TRIM29: variants seen among roughly 807,000 people sequenced by gnomAD.
TRIM29 encodes tripartite motif containing 29.
In TRIM29, 52 loss-of-function variants were observed where a neutral mutation model predicts 57.3. That is an observed-to-expected ratio of 0.91 (90% confidence interval 0.73 to 1.14). TRIM29 has a LOEUF of 1.14. Ranked by LOEUF, TRIM29 falls within the 50% of genes most tolerant of loss-of-function variation. TRIM29 has a pLI of 0.00. For missense variants in TRIM29, 753 were observed against 774.6 expected (o/e 0.97, Z 0.33); for synonymous variants, 319 against 316.9 (o/e 1.01, Z -0.07).
intron 1 of TRIM29, among the ~76,000 whole-genome samples, chr11:120,130,084 G>C (rs1343312964): frequency 6.6e-6 from 1 of 152,038 alleles, no homozygotes; most frequent in Non-Finnish European, 1.5e-5. Context: ...GCAGAAACTC[G>C]ACCCTCACAC....
chr11:120,118,461 G>T (rs114030809), intron 6 of TRIM29, 140 bp from the exon 7 acceptor site: 2 of 622,400 alleles, frequency 3.2e-6, no homozygotes, highest in South Asian at 3.9e-5. Context: ...TCCCAGTGAC[G>T]CCTCACCCCC....
intron 4 of TRIM29, 44 bp from the exon 5 acceptor site, chr11:120,123,099 G>A (rs1863501662): frequency 6.3e-7 from 1 of 1,575,774 alleles, no homozygotes; most frequent in Non-Finnish European, 8.7e-7. Context: ...CAGGTGGGAA[G>A]GAGGAGCCAG....
intron 1 of TRIM29, among the ~76,000 whole-genome samples, chr11:120,129,283 A>C (rs1282841650): frequency 6.6e-6 from 1 of 152,144 alleles, no homozygotes; most frequent in Non-Finnish European, 1.5e-5. Flanking sequence ...CTTCTCTGAA[A>C]AGCAGCCACA....
At position 120,127,476 on chromosome 11, in the gene TRIM29, G is replaced by A; in HGVS notation, c.994C>T (p.Leu332=). The change falls in exon 3 of 9, where the codon CTG becomes TTG. Residue 332 remains leucine, a synonymous_variant. Coordinates refer to ENST00000341846, the MANE Select transcript of TRIM29 (RefSeq NM_012101.4). ...ACAGCATCCTGCTCCCGCTGCTCCA[G>A]CGCAGCCCTCACTTCCTCCTTTTGC... is the stretch of plus-strand genomic sequence containing the variant. ...EKQKEEVRAA[L]EQREQDAVDQ... 6.2e-7 allele frequency: 1 copy of A among 1,614,202 alleles called. No homozygotes were observed. The highest frequency in any genetic ancestry group is 8.5e-7 in the Non-Finnish European group (1 of 1,180,050).
chr11:120,119,444 G>A (rs1479605448), intron 6 of TRIM29, among the ~76,000 whole-genome samples: 1 of 152,202 alleles, frequency 6.6e-6, no homozygotes, highest in Non-Finnish European at 1.5e-5. Flanking sequence ...GGCAGCTTCT[G>A]TAGCAAGGCC....
chr11:120,126,097 T>C (rs904928329), intron 3 of TRIM29: 6 of 582,190 alleles, frequency 1.0e-5, no homozygotes, highest in South Asian at 2.2e-5. Flanking sequence ...AGCGTTCAGA[T>C]GTGTGACTCC....
rs1053234482 is a variant in TRIM29, at chr11:120,112,280, G to GGCAGAGGGCT, written c.*124_*133dup. Reference sequence around the variant, plus strand: ...AGGCCGGAACTGCCCCCAAGAGGCTGGCAGAGGGCTGCAGAGGGCAGGTGC... The same window carrying GGCAGAGGGCT: ...AGGCCGGAACTGCCCCCAAGAGGCTGGCAGAGGGCTGCAGAGGGCTGCAGAGGGCAGGTGC... On this transcript the variant is annotated 3_prime_UTR_variant, in exon 9 of 9. Coordinates refer to ENST00000341846, the MANE Select transcript of TRIM29 (RefSeq NM_012101.4). 9.7e-7 allele frequency: 1 copy of GGCAGAGGGCT among 1,026,508 alleles called. No individual in the cohort carries two copies. The allele number at this position is 1,026,508 out of a possible 1,614,324, so 63.6% of individuals were successfully genotyped here.
chr11:120,128,375 C>T (rs748679477), intron 2 of TRIM29, 25 bp downstream of exon 2: 131 of 1,607,352 alleles, frequency 8.2e-5, no homozygotes, highest in Admixed American at 2.0e-4. Context: ...AAGGGAGCAG[C>T]AAGGTGAGCT....
intron 1 of TRIM29, among the ~76,000 whole-genome samples, chr11:120,134,921 G>C (rs111641282): frequency 6.6e-6 from 1 of 152,180 alleles, no homozygotes; most frequent in Non-Finnish European, 1.5e-5. Flanking sequence ...TGTCTACTAC[G>C]GTTTGACGTT....
chr11:120,113,196 G>A (rs1027318537), intron 8 of TRIM29, among the ~76,000 whole-genome samples: 3 of 152,130 alleles, frequency 2.0e-5, no homozygotes, highest in African/African-American at 4.8e-5. Flanking sequence ...TGCCTCTCTC[G>A]TCCTGTTCCT....
intron 2 of TRIM29, 69 bp from the exon 3 acceptor site, chr11:120,127,638 G>A (rs1591327631): frequency 2.1e-6 from 3 of 1,432,898 alleles, no homozygotes; most frequent in Non-Finnish European, 2.9e-6. Context: ...CCCTAGTCGG[G>A]TATGTCTTTA....
intron 1 of TRIM29, among the ~76,000 whole-genome samples, chr11:120,130,934 C>T (rs1863710490): frequency 6.6e-6 from 1 of 152,088 alleles, no homozygotes; most frequent in Admixed American, 6.6e-5. Flanking sequence ...TGTACACTGT[C>T]CGGACACAGA....
intron 5 of TRIM29, among the ~76,000 whole-genome samples, chr11:120,122,457 G>A (rs1401722418): frequency 6.6e-6 from 1 of 152,204 alleles, no homozygotes; most frequent in African/African-American, 2.4e-5. Flanking sequence ...GGAGGGCCAA[G>A]GGGGCCAGGG....
intron 4 of TRIM29, 167 bp downstream of exon 4, chr11:120,125,524 G>A: frequency 1.5e-6 from 1 of 658,262 alleles, no homozygotes; most frequent in Non-Finnish European, 2.5e-6. Flanking sequence ...AGGAGGAGGA[G>A]GGTTAGAATC....
chr11:120,123,141 A>G (rs760773120), intron 4 of TRIM29, 86 bp from the exon 5 acceptor site: 1 of 1,083,414 alleles, frequency 9.2e-7, no homozygotes, highest in Non-Finnish European at 1.4e-6. Flanking sequence ...CAGATGAGTC[A>G]CCCCATAGCC....
In TRIM29 at chr11:120,116,817, G is replaced by A. The variant is rs377491396; in HGVS notation, c.1628-1403C>T. ...AAGTCCAGATAGAGAGTATGCTGGG[G>A]TGGCAGGTGGGGCATGCATCCCTCT... On this transcript the variant is annotated intron_variant, in intron 7 of 8. Transcript: ENST00000341846. 2.1e-3 allele frequency: 477 copies of A among 230,466 alleles called. 1 individual carries two copies. Among genetic ancestry groups the A allele is most frequent in the South Asian group, 5.9e-3 (128 of 21,624 alleles). 14.3% of individuals were successfully genotyped at this position (230,466 alleles called of 1,614,324 possible).
Position 120,137,747 on chromosome 11 carries a change from G to T in TRIM29, c.285C>A (p.Ser95Arg). The change falls in exon 1 of 9, where the codon AGC becomes AGA. Residue 95 changes from serine to arginine, a missense_variant. Coordinates refer to ENST00000341846, the MANE Select transcript of TRIM29 (RefSeq NM_012101.4). This position sits in a 1 kb window ranked among gnomAD's most constrained non-coding sequence, Gnocchi z 6.2. Reference protein sequence around the residue: ...SGDDKNSNYFSMDSMEGKRSP... With the variant: ...SGDDKNSNYFRMDSMEGKRSP... ...ACCTCTTGCCTTCCATAGAGTCCATGCTGAAGTAGTTGGAGTTCTTGTCGT... is the reference window on the plus strand; with the variant it reads ...ACCTCTTGCCTTCCATAGAGTCCATTCTGAAGTAGTTGGAGTTCTTGTCGT... 6.2e-7 allele frequency: 1 copy of T among 1,612,430 alleles called. No individual in the cohort carries two copies.
intron 5 of TRIM29, chr11:120,122,133 T>A (rs556022903): frequency 3.2e-4 from 45 of 141,584 alleles, no homozygotes; most frequent in Admixed American, 2.2e-3. Flanking sequence ...TGTGTGTGAG[T>A]GTGTGTGTGT....
rs1035995774 is a variant in TRIM29, at chr11:120,137,020, C to T, written c.804+208G>A. ...AGAAAATGTCCCTGTCTCCTGAGAC[C>T]TTAGGGGATTGGGGAGCAACCTCTG... On this transcript the variant is annotated intron_variant, in intron 1 of 8. Transcript: ENST00000341846. This position sits in a 1 kb window ranked among gnomAD's most constrained non-coding sequence, Gnocchi z 6.2. Among the ~76,000 whole-genome samples the T allele has an allele frequency of 3.9e-5, 6 of 152,132 alleles. No individual in the cohort carries two copies. Among genetic ancestry groups the T allele is most frequent in the Non-Finnish European group, 8.8e-5 (6 of 68,024 alleles).
Sources: allele counts gnomAD v4.1 joint callset (sites outside exome capture counted in the v4.1 genomes callset), GRCh38; gene constraint gnomAD v4.1.1; non-coding constraint Gnocchi (gnomAD v3.1); transcripts MANE v1.5; gene names NCBI Gene and HGNC (gene_info 2026-07-23, HGNC 2026-07-21).